LARS2: variants seen among roughly 807,000 people sequenced by gnomAD.
LARS2 encodes the protein leucine--tRNA ligase, mitochondrial.
In LARS2, 81 loss-of-function variants were observed where a neutral mutation model predicts 116.6. The ratio of observed to expected loss-of-function variants is 0.69; its 90% CI spans 0.58 to 0.84. The LOEUF (loss-of-function observed/expected upper bound fraction) is 0.84. LARS2 is among the 40% of genes least tolerant of loss of function. LARS2 has a pLI of 0.00. For missense variants in LARS2, 968 were observed against 1,114.5 expected (o/e 0.87, Z 1.87); for synonymous variants, 396 against 407.2 (o/e 0.97, Z 0.33).
chr3:45,499,363 A>C (rs939043749), intron 14 of LARS2, among the ~76,000 whole-genome samples: 7 of 152,038 alleles, frequency 4.6e-5, no homozygotes, highest in Admixed American at 2.6e-4. Context: ...AATAGCTTGA[A>C]CCCTGGAGGC....
At chr3:45,534,061 A>C (rs1054567586) in intron 20 of LARS2, among the ~76,000 whole-genome samples, 1 of 152,198 alleles carries the variant, frequency 6.6e-6, no homozygotes, top group South Asian at 2.1e-4. Context: ...AGCAGTGGAC[A>C]TTGTGTTCAT....
At chr3:45,416,942 C>T (rs982429663) in intron 4 of LARS2, among the ~76,000 whole-genome samples, 15 of 151,846 alleles carry the variant, frequency 9.9e-5, no homozygotes, top group African/African-American at 2.9e-4. Context: ...GGTGTGGTGG[C>T]GTGTGCCTGT....
chr3:45,492,284 T>C (rs1056203249), intron 13 of LARS2, among the ~76,000 whole-genome samples: 2 of 152,226 alleles, frequency 1.3e-5, no homozygotes, highest in Admixed American at 1.3e-4. Context: ...TTCTTTAATA[T>C]GCTGAAGCAC....
chr3:45,516,266 G>A lies in LARS2; in HGVS notation c.2034G>A (p.Trp678Ter), dbSNP rs1244605171. Residue 678 changes from tryptophan to a stop codon, truncating the protein, a stop_gained, in exon 17 of 22, where the codon TGG becomes TGA. Transcript: ENST00000645846. LOFTEE classifies it high-confidence loss of function. ...FAAPPEKDIL[W>*]DVKTDALPGV... The stretch of plus-strand genomic sequence containing the variant: ...CCCCTCCTGAGAAGGATATCTTGTG[G>A]GATGTGAAAAGTAAGTCACCTTCCT... 3.7e-6 allele frequency: 6 copies of A among 1,613,012 alleles called. No homozygotes were observed. The highest frequency in any genetic ancestry group is 1.7e-4 in the Middle Eastern group (1 of 6,060).
At chr3:45,495,410 C>CT (rs1395882825) in intron 13 of LARS2, 3 of 152,224 alleles carry the variant, frequency 2.0e-5, no homozygotes, top group Non-Finnish European at 4.4e-5. Context: ...CCAATTGATT[C>CT]TTACAGGCTG....
At chr3:45,441,387 T>C (rs1698908457) in intron 6 of LARS2, among the ~76,000 whole-genome samples, 1 of 152,222 alleles carries the variant, frequency 6.6e-6, no homozygotes, top group Non-Finnish European at 1.5e-5. Flanking sequence ...CCCAGCCGTA[T>C]GCTTTGCACA....
intron 14 of LARS2, 48 bp from the exon 15 acceptor site, chr3:45,500,394 A>T: frequency 1.9e-6 from 3 of 1,583,510 alleles, no homozygotes; most frequent in Non-Finnish European, 1.7e-6. Flanking sequence ...AATTTACACA[A>T]TTGTGGCAAA....
intron 6 of LARS2, among the ~76,000 whole-genome samples, chr3:45,442,869 G>A (rs571384830): frequency 2.8e-4 from 43 of 152,184 alleles, no homozygotes; most frequent in Non-Finnish European, 4.9e-4. Context: ...TGTGATTATA[G>A]ACTCAAACTG....
chr3:45,547,247 A>T (rs1700888961), intron 21 of LARS2, 104 bp from the exon 22 acceptor site: 2 of 1,066,038 alleles, frequency 1.9e-6, no homozygotes, highest in Non-Finnish European at 2.7e-6. Flanking sequence ...CCTTTCCCCT[A>T]AACAAATGCA....
At chr3:45,440,994 A>G (rs1001308608) in intron 6 of LARS2, among the ~76,000 whole-genome samples, 6 of 149,064 alleles carry the variant, frequency 4.0e-5, no homozygotes, top group Admixed American at 1.3e-4. Context: ...TAATGAAGCC[A>G]GCCTCACTCA....
chr3:45,504,815 C>T (rs188132249), intron 15 of LARS2, among the ~76,000 whole-genome samples: 1 of 150,648 alleles, frequency 6.6e-6, no homozygotes, highest in African/African-American at 2.4e-5. Flanking sequence ...TGTGATGGCT[C>T]ACACCTGTAA....
chr3:45,514,737 A>C (rs17077952), intron 16 of LARS2, among the ~76,000 whole-genome samples: 1,848 of 152,316 alleles, frequency 0.012, 44 homozygotes, highest in African/African-American at 0.04. Context: ...CTAACTTCTC[A>C]ACTTTTCTGC....
Position 45,520,297 on chromosome 3 carries a change from G to A in LARS2, c.2292+1G>A. 1 of 1,611,248 alleles carries A rather than the reference G, an allele frequency of 6.2e-7. No individual in the cohort carries two copies. The highest frequency in any genetic ancestry group is 8.5e-7 in the Non-Finnish European group (1 of 1,177,462). ...GATGGGACTCAGCAATGCCCTCTCG[G>A]TAAGTGGCCTGTCCTCATTTGCTGG... is the stretch of plus-strand genomic sequence containing the variant. On this transcript the variant is annotated splice_donor_variant, in intron 19 of 21. Transcript: ENST00000645846. LOFTEE classifies it high-confidence loss of function.
At chr3:45,421,226 T>A (rs935462160) in intron 6 of LARS2, 3 of 152,174 alleles carry the variant, frequency 2.0e-5, no homozygotes, top group Non-Finnish European at 4.4e-5. Context: ...AAACTGAAAG[T>A]TTTTTCATAA....
intron 16 of LARS2, among the ~76,000 whole-genome samples, chr3:45,514,582 G>A (rs1700343391): frequency 1.3e-5 from 2 of 152,172 alleles, no homozygotes; most frequent in African/African-American, 2.4e-5. Flanking sequence ...TCTGTAACAG[G>A]CAAGGCTGCC....
chr3:45,466,456 A>AT (rs1212798729), intron 8 of LARS2, among the ~76,000 whole-genome samples: 1 of 152,204 alleles, frequency 6.6e-6, no homozygotes. Context: ...TCATGCCTGC[A>AT]TTTACTGCTG....
chr3:45,498,742 GC>G lies in LARS2; in HGVS notation c.1623-1698del, dbSNP rs1484511270. On this transcript the variant is annotated intron_variant, in intron 14 of 21. Transcript: ENST00000645846. ...TACCTTGGCAACACAGAGGTCTGTC[GC>G]CAGCCAGTGCTGCCCCTCCCACCGA... is the stretch of plus-strand genomic sequence containing the variant. Among the ~76,000 whole-genome samples, 4 of 152,286 alleles carry G rather than the reference GC, an allele frequency of 2.6e-5. No homozygotes were observed. The South Asian group carries it at 8.3e-4, about 32-fold the overall frequency.
At chr3:45,465,112 C>G (rs1306358576) in intron 8 of LARS2, among the ~76,000 whole-genome samples, 1 of 152,140 alleles carries the variant, frequency 6.6e-6, no homozygotes, top group Non-Finnish European at 1.5e-5. Context: ...CCAGGATTCT[C>G]CCTCATGCTG....
intron 8 of LARS2, among the ~76,000 whole-genome samples, chr3:45,463,674 T>C (rs1451701932): frequency 6.7e-6 from 1 of 149,926 alleles, no homozygotes; most frequent in African/African-American, 2.4e-5. Flanking sequence ...AATTCATTCA[T>C]TTTTTTTTTC....
Sources: gnomAD v4.1 joint callset for allele counts (sites outside exome capture counted in the v4.1 genomes callset) on GRCh38, gnomAD v4.1.1 for gene constraint, MANE v1.5 for transcripts, NCBI Gene and HGNC (gene_info 2026-07-23, HGNC 2026-07-21) for gene names.